The following KIF6 variants were observed in gnomAD, a reference collection of about 807,000 sequenced individuals.
KIF6 encodes kinesin-like protein KIF6.
Under a neutral mutation model 112.7 loss-of-function variants are expected in KIF6, and 106 were observed. The ratio of observed to expected loss-of-function variants is 0.94; its 90% CI spans 0.80 to 1.11. The LOEUF (loss-of-function observed/expected upper bound fraction) is 1.11, where lower values mean the gene tolerates loss of function less well. KIF6 is among the 50% of genes least tolerant of loss of function. The pLI, the probability that KIF6 is intolerant of heterozygous loss-of-function variation, is 0.00. For missense variants in KIF6, 929 were observed against 964.0 expected (o/e 0.96, Z 0.48); for synonymous variants, 339 against 339.9 (o/e 1.00, Z 0.03).
chr6:39,488,602 G>C (rs1290697276), intron 13 of KIF6, among the ~76,000 whole-genome samples: 1 of 152,136 alleles, frequency 6.6e-6, no homozygotes, highest in Non-Finnish European at 1.5e-5. Context: ...CCTACAGACT[G>C]TATTTTATTT....
At chr6:39,501,812 T>C (rs913413847) in intron 13 of KIF6, among the ~76,000 whole-genome samples, 13 of 152,080 alleles carry the variant, frequency 8.5e-5, no homozygotes, top group African/African-American at 3.1e-4. Flanking sequence ...GAATAAAATC[T>C]CCAAGAAATA....
chr6:39,353,028 T>TG lies in KIF6; in HGVS notation c.2180+4248dup, dbSNP rs1581650905. ...AAAGCTACTATGAACAATCATATTC[T>TG]GTTTTTTTTTGTGGACATAAGTTTT... On this transcript the variant is annotated intron_variant, in intron 19 of 22. Coordinates refer to ENST00000287152, the MANE Select transcript of KIF6 (RefSeq NM_145027.6). Among the ~76,000 whole-genome samples the TG allele has an allele frequency of 1.1e-4, 17 of 152,068 alleles. No individual in the cohort carries two copies. In the South Asian group the frequency reaches 3.5e-3, roughly 31 times the overall value.
intron 3 of KIF6, among the ~76,000 whole-genome samples, chr6:39,679,186 T>C (rs1787352578): frequency 6.6e-6 from 1 of 152,226 alleles, no homozygotes; most frequent in East Asian, 1.9e-4. Flanking sequence ...CATCATTTAA[T>C]TGGTACTAAC....
chr6:39,562,973 C>T (rs528094633), intron 10 of KIF6, among the ~76,000 whole-genome samples: 3 of 152,112 alleles, frequency 2.0e-5, no homozygotes, highest in Non-Finnish European at 4.4e-5. Flanking sequence ...TGTGGTGGCT[C>T]ACACCTGTTG....
chr6:39,610,802 T>C (rs1218960434), intron 6 of KIF6, among the ~76,000 whole-genome samples: 4 of 152,168 alleles, frequency 2.6e-5, no homozygotes, highest in Admixed American at 6.5e-5. Flanking sequence ...CATTGTAACA[T>C]GGTAATTATT....
chr6:39,385,711 A>G, intron 15 of KIF6, 39 bp from the exon 16 acceptor site: 3 of 1,444,622 alleles, frequency 2.1e-6, no homozygotes, highest in Non-Finnish European at 2.9e-6. Flanking sequence ...GTGGGTTTCC[A>G]ATGGGCTGGA....
intron 10 of KIF6, among the ~76,000 whole-genome samples, chr6:39,569,616 G>C (rs1232703611): frequency 6.6e-6 from 1 of 152,228 alleles, no homozygotes; most frequent in African/African-American, 2.4e-5. Flanking sequence ...TTCTCCTAGA[G>C]TTACCTTTAA....
chr6:39,710,608 T>C (rs1163007985), intron 3 of KIF6, among the ~76,000 whole-genome samples: 7 of 151,920 alleles, frequency 4.6e-5, no homozygotes, highest in Non-Finnish European at 8.8e-5. Context: ...TTTAGAGGGA[T>C]AAAGAAGAAT....
chr6:39,481,438 A>G (rs1408404369), intron 13 of KIF6, among the ~76,000 whole-genome samples: 1 of 152,208 alleles, frequency 6.6e-6, no homozygotes, highest in East Asian at 1.9e-4. Flanking sequence ...AATATGTACT[A>G]TACACATCTC....
intron 13 of KIF6, among the ~76,000 whole-genome samples, chr6:39,443,367 G>C (rs1349061278): frequency 1.3e-5 from 2 of 151,934 alleles, no homozygotes; most frequent in African/African-American, 4.8e-5. Flanking sequence ...TCTGAAAAAT[G>C]AGGCAAATTT....
intron 6 of KIF6, among the ~76,000 whole-genome samples, chr6:39,608,012 T>A (rs1582259414): frequency 6.6e-6 from 1 of 152,276 alleles, no homozygotes; most frequent in East Asian, 1.9e-4. Context: ...ACTCCTTCCT[T>A]CCTGCCCTAT....
At chr6:39,337,227 CTTTCTTTCT>C (rs1562102949) in intron 22 of KIF6, among the ~76,000 whole-genome samples, 2,292 of 94,872 alleles carry the variant, frequency 0.024, 204 homozygotes, top group African/African-American at 0.16. Flanking sequence ...TTCTTTCTTT[CTTTCTTTCT>C]TTTTCTTTCT....
At chr6:39,436,613 T>A (rs976727553) in intron 13 of KIF6, among the ~76,000 whole-genome samples, 9 of 152,186 alleles carry the variant, frequency 5.9e-5, no homozygotes, top group African/African-American at 2.2e-4. Flanking sequence ...GTACCATTTA[T>A]TAAATATAGT....
chr6:39,376,092 G>A (rs923733944), intron 16 of KIF6, among the ~76,000 whole-genome samples: 55 of 152,154 alleles, frequency 3.6e-4, no homozygotes, highest in African/African-American at 1.3e-3. Flanking sequence ...ATATTCACAA[G>A]CAACTGTGGA....
intron 14 of KIF6, among the ~76,000 whole-genome samples, chr6:39,428,060 T>C (rs1168453375): frequency 2.0e-5 from 3 of 152,256 alleles, no homozygotes; most frequent in East Asian, 1.9e-4. Context: ...TGGGGGATCT[T>C]ACCTTAGGGA....
intron 16 of KIF6, among the ~76,000 whole-genome samples, chr6:39,380,971 A>G (rs916622451): frequency 6.6e-6 from 1 of 152,236 alleles, no homozygotes; most frequent in Non-Finnish European, 1.5e-5. Flanking sequence ...GGCTCCCCAC[A>G]TTCCTGGAGT....
chr6:39,358,363 A>C (rs1764872163), intron 18 of KIF6, among the ~76,000 whole-genome samples: 1 of 152,238 alleles, frequency 6.6e-6, no homozygotes, highest in African/African-American at 2.4e-5. Flanking sequence ...AGAACTGCTC[A>C]GGGGCAGCAT....
chr6:39,522,982 A>G (rs1777481171), intron 13 of KIF6, among the ~76,000 whole-genome samples: 1 of 152,200 alleles, frequency 6.6e-6, no homozygotes, highest in African/African-American at 2.4e-5. Context: ...CATTTCTCTA[A>G]TTAAGCCTTT....
chr6:39,389,236 C>A (rs915721760), intron 15 of KIF6, among the ~76,000 whole-genome samples: 1 of 152,034 alleles, frequency 6.6e-6, no homozygotes, highest in African/African-American at 2.4e-5. Flanking sequence ...TGAATAAAAC[C>A]ATTTTCCATA....
Sources: allele counts gnomAD v4.1 joint callset (sites outside exome capture counted in the v4.1 genomes callset), GRCh38; gene constraint gnomAD v4.1.1; transcripts MANE v1.5; gene names NCBI Gene and HGNC (gene_info 2026-07-23, HGNC 2026-07-21).